The following PEAK1 variants were observed in gnomAD, a reference collection of about 807,000 sequenced individuals.
PEAK1 encodes pseudopodium enriched atypical kinase 1.
In PEAK1, 54 loss-of-function variants were observed where a neutral mutation model predicts 124.7. The ratio of observed to expected loss-of-function variants is 0.43; its 90% CI spans 0.35 to 0.54. PEAK1 has a LOEUF of 0.54. Ranked by LOEUF, PEAK1 falls within the 20% of genes least tolerant of loss-of-function variation. The pLI is 0.01. For synonymous variants in PEAK1, 719 were observed against 760.0 expected, an observed-to-expected ratio of 0.95 and a Z score of 0.89; for missense variants, 2,046 against 2,134.5, an observed-to-expected ratio of 0.96 and a Z score of 0.82.
chr15:77,361,547 G>A (rs914399607), intron 2 of PEAK1, among the ~76,000 whole-genome samples: 1 of 152,184 alleles, frequency 6.6e-6, no homozygotes, highest in African/African-American at 2.4e-5. Flanking sequence ...CAATTAGGAT[G>A]GCAGCTGTTA....
At chr15:77,146,127 A>G (rs989939171) in intron 8 of PEAK1, among the ~76,000 whole-genome samples, 1 of 152,164 alleles carries the variant, frequency 6.6e-6, no homozygotes, top group Non-Finnish European at 1.5e-5. Flanking sequence ...TATAAACCAC[A>G]CACCATCACT....
chr15:77,395,930 T>C (rs2141966519), intron 1 of PEAK1, among the ~76,000 whole-genome samples: 1 of 152,290 alleles, frequency 6.6e-6, no homozygotes, highest in South Asian at 2.1e-4. Context: ...ATTACAACAC[T>C]GTAATTGTGG....
intron 8 of PEAK1, among the ~76,000 whole-genome samples, chr15:77,153,099 G>C (rs1596372415): frequency 6.6e-6 from 1 of 151,760 alleles, no homozygotes; most frequent in African/African-American, 2.4e-5. Context: ...GTAGAATTCG[G>C]CTGTGAATCC....
At chr15:77,121,254 C>T (rs1245908333) in intron 9 of PEAK1, among the ~76,000 whole-genome samples, 16 of 151,880 alleles carry the variant, frequency 1.1e-4, no homozygotes, top group African/African-American at 3.6e-4. Flanking sequence ...ATTTTTTTGT[C>T]TATCTTACAA....
chr15:77,325,216 G>A (rs1266747133), intron 2 of PEAK1, among the ~76,000 whole-genome samples: 1 of 152,060 alleles, frequency 6.6e-6, no homozygotes, highest in Non-Finnish European at 1.5e-5. Flanking sequence ...CTGAGTTTGG[G>A]ACCAGCTTGG....
chr15:77,402,669 CGTTTA>C, intron 1 of PEAK1: 8 of 985,262 alleles, frequency 8.1e-6, no homozygotes, highest in Non-Finnish European at 9.6e-6. Flanking sequence ...CATAGTGTAT[CGTTTA>C]GTTAATGGTT....
intron 7 of PEAK1, among the ~76,000 whole-genome samples, chr15:77,171,059 T>C (rs2056467650): frequency 6.6e-6 from 1 of 152,168 alleles, no homozygotes; most frequent in Non-Finnish European, 1.5e-5. Context: ...TAGTGTCCCA[T>C]CTTCTAACCT....
chr15:77,402,727 T>A (rs1567357228), intron 1 of PEAK1: 1 of 985,276 alleles, frequency 1.0e-6, no homozygotes, highest in Non-Finnish European at 1.2e-6. Flanking sequence ...AAAGTTCTCA[T>A]TTATTCCCAG....
chr15:77,247,854 C>T (rs1010247414), intron 6 of PEAK1, among the ~76,000 whole-genome samples: 1 of 152,118 alleles, frequency 6.6e-6, no homozygotes, highest in Non-Finnish European at 1.5e-5. Context: ...ATCCTTTTTA[C>T]ATATTGCTGG....
chr15:77,229,617 T>TA (rs1371941915), intron 6 of PEAK1, among the ~76,000 whole-genome samples: 1 of 151,982 alleles, frequency 6.6e-6, no homozygotes, highest in African/African-American at 2.4e-5. Flanking sequence ...TTACATGCAT[T>TA]CCTCTTCTTT....
intron 7 of PEAK1, among the ~76,000 whole-genome samples, chr15:77,164,212 T>C (rs1294530705): frequency 6.6e-6 from 1 of 152,234 alleles, no homozygotes; most frequent in Non-Finnish European, 1.5e-5. Context: ...GATAGAGAAG[T>C]GTGTGTCTAC....
At chr15:77,251,056 A>G (rs918227785) in intron 6 of PEAK1, among the ~76,000 whole-genome samples, 3 of 152,188 alleles carry the variant, frequency 2.0e-5, no homozygotes, top group Non-Finnish European at 2.9e-5. Context: ...GCAAGAAACT[A>G]GTTTCGGTCC....
chr15:77,385,146 C>T (rs1266765338), intron 1 of PEAK1, among the ~76,000 whole-genome samples: 3 of 152,110 alleles, frequency 2.0e-5, no homozygotes, highest in African/African-American at 7.2e-5. Context: ...AAAATGCCTA[C>T]ACCCAAAACC....
At chr15:77,272,520 TA>T in intron 5 of PEAK1, among the ~76,000 whole-genome samples, 1 of 152,232 alleles carries the variant, frequency 6.6e-6, no homozygotes, top group East Asian at 1.9e-4. Flanking sequence ...AGGAGATGGA[TA>T]AATTCCTGGG....
intron 7 of PEAK1, among the ~76,000 whole-genome samples, chr15:77,171,746 C>A (rs1240843495): frequency 6.6e-6 from 1 of 152,154 alleles, no homozygotes; most frequent in Non-Finnish European, 1.5e-5. Flanking sequence ...TTTCCCTGAT[C>A]TGCTCACTTT....
chr15:77,295,650 A>G (rs1453473554), intron 2 of PEAK1, among the ~76,000 whole-genome samples: 1 of 152,244 alleles, frequency 6.6e-6, no homozygotes, highest in African/African-American at 2.4e-5. Context: ...ATTCCAACAC[A>G]GTATTACATA....
intron 5 of PEAK1, among the ~76,000 whole-genome samples, chr15:77,261,875 C>A (rs1327277676): frequency 6.6e-6 from 1 of 152,168 alleles, no homozygotes; most frequent in East Asian, 1.9e-4. Context: ...TCGGGTTACC[C>A]ACAAAGGGAA....
chr15:77,316,008 T>C (rs1171404019), intron 2 of PEAK1, among the ~76,000 whole-genome samples: 1 of 152,134 alleles, frequency 6.6e-6, no homozygotes, highest in Non-Finnish European at 1.5e-5. Context: ...TTAATAAATA[T>C]GATAGGGTAC....
At chr15:77,161,965 C>CAAAAAAAAAAAA (rs33972250) in intron 7 of PEAK1, among the ~76,000 whole-genome samples, 1 of 84,506 alleles carries the variant, frequency 1.2e-5, no homozygotes, top group African/African-American at 5.1e-5. Context: ...GACTCTGTCT[C>CAAAAAAAAAAAA]AAAAAAAAAA....
Sources: allele counts gnomAD v4.1 joint callset (sites outside exome capture counted in the v4.1 genomes callset), GRCh38; gene constraint gnomAD v4.1.1; transcripts MANE v1.5; gene names NCBI Gene and HGNC (gene_info 2026-07-23, HGNC 2026-07-21).